The following ARHGEF3 variants were observed in gnomAD, a reference collection of about 807,000 sequenced individuals.
The protein encoded by ARHGEF3 is 59.8 kDA protein.
A neutral mutation model predicts 63.2 loss-of-function variants in ARHGEF3; 28 were observed. The ratio of observed to expected loss-of-function variants is 0.44; its 90% CI spans 0.33 to 0.61. The LOEUF is 0.61. Among genes scored for constraint, ARHGEF3 ranks in the 20% least tolerant of loss-of-function variants. The pLI is 0.03. For missense variants in ARHGEF3, 533 were observed against 659.3 expected (o/e 0.81, Z 2.10); for synonymous variants, 266 against 254.2 (o/e 1.05, Z -0.44).
intron 3 of ARHGEF3, among the ~76,000 whole-genome samples, chr3:56,895,100 C>T (rs1444348071): frequency 6.6e-6 from 1 of 152,140 alleles, no homozygotes; most frequent in African/African-American, 2.4e-5. Context: ...CCCTCCCTCC[C>T]TGTAATTTGG....
chr3:56,735,070 G>A, intron 8 of ARHGEF3, among the ~76,000 whole-genome samples: 1 of 152,106 alleles, frequency 6.6e-6, no homozygotes, highest in East Asian at 1.9e-4. Context: ...GATCACTTGA[G>A]GTCAGGAATT....
rs1701795945 is a variant in ARHGEF3 at position 56,992,407 on chromosome 3, A to AAAAAC, written c.63-33519_63-33518insGTTTT. On this transcript the variant is annotated intron_variant, in intron 2 of 12. Transcript: ENST00000338458. The stretch of plus-strand genomic sequence containing the variant: ...AAAAAAAAAAAAAAAAAAAAAAAAA[A>AAAAAC]AAAAAAACAGAAAGAAGGTCATGTG... Among the ~76,000 whole-genome samples, 25 of 116,278 alleles carry AAAAAC rather than the reference A, an allele frequency of 2.2e-4. 2 individuals carry two copies. The highest frequency in any genetic ancestry group is 3.1e-4 in the Non-Finnish European group (16 of 51,016). 76.3% of individuals were successfully genotyped at this position (116,278 alleles called of 152,430 possible). A position where few individuals can be genotyped will look rare whatever the true frequency, so the allele number is the denominator to read the frequency against.
At chr3:57,054,858 C>T (rs562615328) in intron 1 of ARHGEF3, among the ~76,000 whole-genome samples, 9 of 151,534 alleles carry the variant, frequency 5.9e-5, no homozygotes, top group Admixed American at 1.3e-4. Flanking sequence ...ACCATGTTGG[C>T]CAGTATGATC....
At chr3:56,928,325 C>A (rs1297936276) in intron 3 of ARHGEF3, among the ~76,000 whole-genome samples, 1 of 150,772 alleles carries the variant, frequency 6.6e-6, no homozygotes, top group Non-Finnish European at 1.5e-5. Context: ...TGAGGCTCAG[C>A]GAGGTTGGGT....
intron 1 of ARHGEF3, among the ~76,000 whole-genome samples, chr3:57,040,513 A>G (rs559976122): frequency 6.6e-6 from 1 of 151,854 alleles, no homozygotes; most frequent in Non-Finnish European, 1.5e-5. Flanking sequence ...ATACCAAAAC[A>G]GGTAAAACCA....
At chr3:56,848,615 T>TA (rs2039567733) in intron 4 of ARHGEF3, among the ~76,000 whole-genome samples, 1 of 152,184 alleles carries the variant, frequency 6.6e-6, no homozygotes, top group Admixed American at 6.5e-5. Flanking sequence ...AACACAGTCT[T>TA]ACATATACAC....
At chr3:56,967,441 AT>A in intron 2 of ARHGEF3, among the ~76,000 whole-genome samples, 1 of 76,314 alleles carries the variant, frequency 1.3e-5, no homozygotes, top group Non-Finnish European at 2.2e-5. Flanking sequence ...TATATAATAT[AT>A]TATATATTAT....
intron 4 of ARHGEF3, among the ~76,000 whole-genome samples, chr3:56,876,763 A>AGCCCCACCAGCATAGAAAAGAT (rs1235248431): frequency 6.6e-6 from 1 of 152,134 alleles, no homozygotes; most frequent in Non-Finnish European, 1.5e-5. Flanking sequence ...CCCATGGGAA[A>AGCCCCACCAGCATAGAAAAGAT]GCCCCACCAG....
intron 2 of ARHGEF3, among the ~76,000 whole-genome samples, chr3:57,004,549 C>T (rs1239743000): frequency 6.6e-6 from 1 of 152,262 alleles, no homozygotes; most frequent in Non-Finnish European, 1.5e-5. Flanking sequence ...GCAGCAGCAT[C>T]TTCAATCTAC....
intron 4 of ARHGEF3, among the ~76,000 whole-genome samples, chr3:56,851,600 T>C (rs147168913): frequency 0.027 from 4,035 of 151,742 alleles, 85 homozygotes; most frequent in Middle Eastern, 0.037. Flanking sequence ...GTCGCCCAAG[T>C]TGGTCTTAAT....
intron 1 of ARHGEF3, among the ~76,000 whole-genome samples, chr3:57,042,471 G>A (rs1330094197): frequency 2.6e-5 from 4 of 151,572 alleles, no homozygotes; most frequent in Non-Finnish European, 4.4e-5. Flanking sequence ...ACTAGTTTGA[G>A]AAAGTCAATG....
chr3:57,078,926 G>C (rs1308214010), intron 1 of ARHGEF3: 1 of 287,360 alleles, frequency 3.5e-6, no homozygotes, highest in Non-Finnish European at 6.5e-6. Flanking sequence ...TCCCCAGCAG[G>C]AGCGACGGCT....
chr3:57,003,230 C>T (rs1482026948), intron 2 of ARHGEF3, among the ~76,000 whole-genome samples: 1 of 150,818 alleles, frequency 6.6e-6, no homozygotes, highest in Admixed American at 6.6e-5. Context: ...ATGGTGAAAC[C>T]CTGTCTCTAC....
chr3:56,744,729 GTGAGGAT>G (rs2107732325), intron 7 of ARHGEF3, among the ~76,000 whole-genome samples: 2 of 152,230 alleles, frequency 1.3e-5, no homozygotes, highest in East Asian at 3.9e-4. Context: ...CATTTGCTGA[GTGAGGAT>G]CCCACTAGTG....
At chr3:56,870,888 T>C (rs1387807968) in intron 4 of ARHGEF3, among the ~76,000 whole-genome samples, 6 of 152,164 alleles carry the variant, frequency 3.9e-5, no homozygotes, top group Non-Finnish European at 7.4e-5. Context: ...GCTTTCAATA[T>C]ACTATCTCTT....
chr3:56,840,667 T>A (rs1189506334), intron 4 of ARHGEF3, among the ~76,000 whole-genome samples: 2 of 152,158 alleles, frequency 1.3e-5, no homozygotes, highest in Non-Finnish European at 2.9e-5. Context: ...GGGGACCTCT[T>A]CTCTGAACCT....
chr3:56,990,459 G>A (rs897145683), intron 2 of ARHGEF3, among the ~76,000 whole-genome samples: 7 of 152,176 alleles, frequency 4.6e-5, no homozygotes, highest in African/African-American at 1.4e-4. Flanking sequence ...TGACGTGCAC[G>A]TGTAATCCCA....
intron 9 of ARHGEF3, 31 bp downstream of exon 9, chr3:56,732,207 T>A: frequency 6.2e-7 from 1 of 1,612,168 alleles, no homozygotes; most frequent in African/African-American, 1.3e-5. Context: ...CCAAAAACAT[T>A]CAACAGGTCA....
At chr3:56,745,880 C>A (rs2034354063) in intron 6 of ARHGEF3, among the ~76,000 whole-genome samples, 1 of 152,140 alleles carries the variant, frequency 6.6e-6, no homozygotes, top group Non-Finnish European at 1.5e-5. Flanking sequence ...AACGTGTTAG[C>A]CAGCATAGTC....
Sources: gnomAD v4.1 joint callset for allele counts (sites outside exome capture counted in the v4.1 genomes callset) on GRCh38, gnomAD v4.1.1 for gene constraint, MANE v1.5 for transcripts, NCBI Gene and HGNC (gene_info 2026-07-23, HGNC 2026-07-21) for gene names.